The following DYM variants were observed in gnomAD, a reference collection of about 807,000 sequenced individuals.
The protein encoded by DYM is dymeclin, also known as dyggve-Melchior-Clausen syndrome protein.
Under a neutral mutation model 93.1 loss-of-function variants are expected in DYM, and 78 were observed. The observed-to-expected ratio is 0.84, with a 90% CI of 0.70 to 1.01. The LOEUF (loss-of-function observed/expected upper bound fraction) is 1.01. Ranked by LOEUF, DYM falls within the 50% of genes least tolerant of loss-of-function variation. The pLI is 0.00. For missense variants in DYM, 789 were observed against 845.0 expected, an observed-to-expected ratio of 0.93 and a Z score of 0.82; for synonymous variants, 321 against 319.7, an observed-to-expected ratio of 1.00 and a Z score of -0.04.
chr18:49,066,900 T>G (rs749751644), intron 17 of DYM, among the ~76,000 whole-genome samples: 10 of 152,186 alleles, frequency 6.6e-5, no homozygotes, highest in Non-Finnish European at 1.0e-4. Flanking sequence ...CCCATCACAA[T>G]GAAGATACAT....
At chr18:49,449,309 G>C (rs959524477) in intron 1 of DYM, among the ~76,000 whole-genome samples, 2 of 152,152 alleles carry the variant, frequency 1.3e-5, no homozygotes, top group Admixed American at 6.6e-5. Flanking sequence ...AGGCAGCAAA[G>C]AAATTGAAAG....
chr18:49,269,457 G>T (rs1347808011), intron 11 of DYM, among the ~76,000 whole-genome samples: 1 of 152,022 alleles, frequency 6.6e-6, no homozygotes, highest in South Asian at 2.1e-4. Context: ...TCCTCTTCTG[G>T]GCATAAGGAA....
intron 17 of DYM, chr18:49,048,336 G>C (rs2071914475): frequency 6.6e-6 from 1 of 152,250 alleles, no homozygotes. Flanking sequence ...AGGGAGAAGA[G>C]AGGGGCTAGG....
At chr18:49,332,511 TAAAG>T (rs2063382378) in intron 7 of DYM, among the ~76,000 whole-genome samples, 2 of 152,128 alleles carry the variant, frequency 1.3e-5, no homozygotes, top group African/African-American at 4.8e-5. Flanking sequence ...GAAGTAGTAA[TAAAG>T]AATCAGTAGA....
intron 17 of DYM, among the ~76,000 whole-genome samples, chr18:49,054,733 G>A (rs1406967149): frequency 6.6e-6 from 1 of 152,158 alleles, no homozygotes; most frequent in East Asian, 1.9e-4. Flanking sequence ...TGGGCACTAA[G>A]TTACCACCCA....
intron 1 of DYM, among the ~76,000 whole-genome samples, chr18:49,432,329 C>CAAAAAAAAAAAAAAAAAAAAAAAAAAA (rs11429840): frequency 4.0e-5 from 3 of 75,826 alleles, no homozygotes; most frequent in Non-Finnish European, 8.3e-5. Context: ...AAGACTGTCT[C>CAAAAAAAAAAAAAAAAAAAAAAAAAAA]AAAAAAAAAA....
intron 5 of DYM, among the ~76,000 whole-genome samples, chr18:49,370,359 C>A (rs895200727): frequency 6.6e-6 from 1 of 151,892 alleles, no homozygotes; most frequent in Admixed American, 6.6e-5. Flanking sequence ...CTTCCCTGGA[C>A]CTTCCTTTCA....
intron 8 of DYM, among the ~76,000 whole-genome samples, chr18:49,320,381 T>G (rs1393281208): frequency 6.6e-6 from 1 of 152,232 alleles, no homozygotes; most frequent in Non-Finnish European, 1.5e-5. Flanking sequence ...TCTCTATCCA[T>G]CTATCAATCC....
intron 15 of DYM, among the ~76,000 whole-genome samples, chr18:49,154,515 C>G (rs1338606566): frequency 6.6e-6 from 1 of 152,092 alleles, no homozygotes; most frequent in African/African-American, 2.4e-5. Context: ...CGGCCTCAGT[C>G]TCCCGAATAT....
rs940408592 is a variant in DYM, at chr18:49,037,284, G to A, written c.*6771C>T. On this transcript the variant is annotated 3_prime_UTR_variant, in exon 18 of 18. Transcript: ENST00000675505. Reference sequence around the variant, plus strand: ...TATCAGTAATTTGGCTTATTTTTGGGTTTCATGTGCTGTTTTTAAAATTTT... The same window carrying A: ...TATCAGTAATTTGGCTTATTTTTGGATTTCATGTGCTGTTTTTAAAATTTT... Among the ~76,000 whole-genome samples the A allele has an allele frequency of 2.0e-5, 3 of 151,898 alleles. No homozygotes were observed. The highest frequency in any genetic ancestry group is 7.3e-5 in the African/African-American group (3 of 41,312).
chr18:49,410,682 G>C (rs1220939550), intron 2 of DYM, among the ~76,000 whole-genome samples: 2 of 151,562 alleles, frequency 1.3e-5, no homozygotes, highest in East Asian at 3.9e-4. Context: ...GCATGGTAGA[G>C]TGCCTGTAGT....
In DYM at chr18:49,286,662, T is replaced by G. The variant is rs372464669; in HGVS notation, c.764-46A>C. Reference sequence around the variant, plus strand: ...TTAGGATGTGCTGCCACCAATGAGATGAATGTATTTCTGTAAAGTATTCTG... The same window carrying G: ...TTAGGATGTGCTGCCACCAATGAGAGGAATGTATTTCTGTAAAGTATTCTG... On this transcript the variant is annotated intron_variant, in intron 8 of 17. Coordinates refer to ENST00000675505, the MANE Select transcript of DYM (RefSeq NM_001353214.3). 3 of 1,566,206 alleles carry G rather than the reference T, an allele frequency of 1.9e-6. No individual in the cohort carries two copies. In the African/African-American group the frequency reaches 4.1e-5, roughly 21 times the overall value.
At chr18:49,243,127 A>G (rs568262545) in intron 13 of DYM, among the ~76,000 whole-genome samples, 26 of 152,276 alleles carry the variant, frequency 1.7e-4, no homozygotes, top group Middle Eastern at 3.4e-3. Context: ...TCAAGCATCA[A>G]TCATCTCACT....
At chr18:49,051,861 G>T (rs574520274) in intron 17 of DYM, among the ~76,000 whole-genome samples, 7 of 152,208 alleles carry the variant, frequency 4.6e-5, no homozygotes, top group Non-Finnish European at 1.0e-4. Flanking sequence ...GTCATGGGGG[G>T]ACTGAAAGAG....
intron 1 of DYM, among the ~76,000 whole-genome samples, chr18:49,441,269 A>G (rs1340130098): frequency 2.7e-5 from 1 of 36,740 alleles, no homozygotes; most frequent in Non-Finnish European, 4.5e-5. Context: ...TAATTATATA[A>G]TATATATTAT....
intron 15 of DYM, among the ~76,000 whole-genome samples, chr18:49,150,668 GC>G (rs767180628): frequency 2.6e-5 from 4 of 152,138 alleles, no homozygotes; most frequent in Non-Finnish European, 5.9e-5. Flanking sequence ...TTAAAACATG[GC>G]CCTACAGAAG....
At chr18:49,382,068 G>A (rs1366456370) in intron 3 of DYM, among the ~76,000 whole-genome samples, 14 of 152,062 alleles carry the variant, frequency 9.2e-5, no homozygotes, top group Non-Finnish European at 1.9e-4. Flanking sequence ...TGAAATCTTT[G>A]TTCATTCAAC....
At chr18:49,143,336 C>T (rs542700540) in intron 15 of DYM, among the ~76,000 whole-genome samples, 10 of 152,184 alleles carry the variant, frequency 6.6e-5, no homozygotes, top group Admixed American at 4.6e-4. Flanking sequence ...AACAGCCTTC[C>T]TCAGTAATAA....
At chr18:49,391,399 T>C (rs1599864330) in intron 3 of DYM, 194 bp downstream of exon 3, 6 of 590,134 alleles carry the variant, frequency 1.0e-5, no homozygotes, top group East Asian at 9.1e-5. Flanking sequence ...ACTGCAGATA[T>C]AGCCAAGCAT....
Sources: gnomAD v4.1 joint callset for allele counts (sites outside exome capture counted in the v4.1 genomes callset) on GRCh38, gnomAD v4.1.1 for gene constraint, MANE v1.5 for transcripts, NCBI Gene and HGNC (gene_info 2026-07-23, HGNC 2026-07-21) for gene names.